The following KCNB2 variants were observed in gnomAD, a reference collection of about 807,000 sequenced individuals.
The protein encoded by KCNB2 is delayed rectifier potassium channel protein.
In KCNB2, 15 loss-of-function variants were observed where a neutral mutation model predicts 61.5. That is an observed-to-expected ratio of 0.24 (90% CI 0.16 to 0.38). KCNB2 has a LOEUF of 0.38. KCNB2 is among the 10% of genes least tolerant of loss of function. The pLI is 1.00. For synonymous variants in KCNB2, 457 were observed against 446.0 expected (o/e 1.02, Z -0.31); for missense variants, 828 against 1,125.2 (o/e 0.74, Z 3.78).
chr8:72,632,360 C>G (rs1402138987), intron 2 of KCNB2, among the ~76,000 whole-genome samples: 1 of 152,162 alleles, frequency 6.6e-6, no homozygotes, highest in African/African-American at 2.4e-5. Flanking sequence ...TGTATTGGCA[C>G]ACAGCCACAC....
intron 2 of KCNB2, among the ~76,000 whole-genome samples, chr8:72,860,926 A>G (rs1184768622): frequency 1.3e-5 from 2 of 152,202 alleles, no homozygotes; most frequent in Non-Finnish European, 2.9e-5. Flanking sequence ...ATTATAAACC[A>G]CTTCATATCA....
intron 2 of KCNB2, among the ~76,000 whole-genome samples, chr8:72,888,820 G>C (rs1407271210): frequency 6.6e-6 from 1 of 152,150 alleles, no homozygotes; most frequent in Non-Finnish European, 1.5e-5. Context: ...AGGCATAGAA[G>C]AGACATATAG....
intron 2 of KCNB2, among the ~76,000 whole-genome samples, chr8:72,831,880 C>G (rs1398448154): frequency 6.6e-6 from 1 of 152,214 alleles, no homozygotes; most frequent in Non-Finnish European, 1.5e-5. Context: ...TATACTTGAT[C>G]TTAGCCAAAA....
At chr8:72,728,756 T>C (rs577863699) in intron 2 of KCNB2, among the ~76,000 whole-genome samples, 1 of 152,300 alleles carries the variant, frequency 6.6e-6, no homozygotes. Context: ...GAGTAACATT[T>C]AGACTGGGCC....
intron 2 of KCNB2, among the ~76,000 whole-genome samples, chr8:72,579,571 C>T (rs1276964706): frequency 6.6e-6 from 1 of 152,294 alleles, no homozygotes; most frequent in South Asian, 2.1e-4. Context: ...CCTCTGCCCT[C>T]CCTTAATCCG....
At chr8:72,810,630 A>G (rs1229990149) in intron 2 of KCNB2, among the ~76,000 whole-genome samples, 1 of 152,228 alleles carries the variant, frequency 6.6e-6, no homozygotes, top group Non-Finnish European at 1.5e-5. Flanking sequence ...ATTTTATAGT[A>G]TAGCTATTAG....
intron 2 of KCNB2, among the ~76,000 whole-genome samples, chr8:72,890,527 C>G (rs1474203124): frequency 6.6e-6 from 1 of 152,202 alleles, no homozygotes; most frequent in Non-Finnish European, 1.5e-5. Flanking sequence ...GTCCCTTCCC[C>G]GGTCCCATCA....
chr8:72,873,871 C>T (rs956273103), intron 2 of KCNB2, among the ~76,000 whole-genome samples: 12 of 152,262 alleles, frequency 7.9e-5, no homozygotes, highest in African/African-American at 2.7e-4. Context: ...CACCTATTAG[C>T]CCATTTACCT....
chr8:72,682,306 A>G (rs1272924072), intron 2 of KCNB2, among the ~76,000 whole-genome samples: 1 of 152,178 alleles, frequency 6.6e-6, no homozygotes, highest in Non-Finnish European at 1.5e-5. Flanking sequence ...AGACCAAGGC[A>G]AAGAATATCT....
At chr8:72,851,840 A>ACAAAAACAAAAC (rs1554538997) in intron 2 of KCNB2, among the ~76,000 whole-genome samples, 1 of 134,462 alleles carries the variant, frequency 7.4e-6, no homozygotes, top group African/African-American at 3.0e-5. Context: ...AAAAAAAAAA[A>ACAAAAACAAAAC]AAAAAAAACA....
intron 2 of KCNB2, among the ~76,000 whole-genome samples, chr8:72,643,230 G>A (rs2128985855): frequency 6.6e-6 from 1 of 152,298 alleles, no homozygotes; most frequent in South Asian, 2.1e-4. Flanking sequence ...AGGGTGGAAA[G>A]AAGGAAGTGG....
At chr8:72,694,510 A>C (rs577014190) in intron 2 of KCNB2, among the ~76,000 whole-genome samples, 1 of 152,204 alleles carries the variant, frequency 6.6e-6, no homozygotes, top group Non-Finnish European at 1.5e-5. Context: ...CAATTTTTTT[A>C]AATGTGTATG....
At chr8:72,862,364 A>G (rs925258440) in intron 2 of KCNB2, among the ~76,000 whole-genome samples, 1 of 152,210 alleles carries the variant, frequency 6.6e-6, no homozygotes, top group African/African-American at 2.4e-5. Context: ...TCATGAACGC[A>G]CTAGTATTTT....
At chr8:72,593,607 C>T (rs571610841) in intron 2 of KCNB2, among the ~76,000 whole-genome samples, 2 of 152,298 alleles carry the variant, frequency 1.3e-5, no homozygotes, top group South Asian at 4.2e-4. Context: ...AGACTGGGCT[C>T]TGACCTGTTT....
chr8:72,722,235 GC>G (rs1466874024), intron 2 of KCNB2, among the ~76,000 whole-genome samples: 1 of 152,020 alleles, frequency 6.6e-6, no homozygotes, highest in Admixed American at 6.6e-5. Context: ...ACATTCTCTG[GC>G]CCCCCTTCCA....
At chr8:72,863,545 G>A (rs567361619) in intron 2 of KCNB2, among the ~76,000 whole-genome samples, 1 of 152,338 alleles carries the variant, frequency 6.6e-6, no homozygotes, top group East Asian at 1.9e-4. Flanking sequence ...TGTTTGAGCT[G>A]TCTTCCCACC....
intron 2 of KCNB2, among the ~76,000 whole-genome samples, chr8:72,642,107 G>C (rs746604579): frequency 1.2e-4 from 19 of 152,196 alleles, no homozygotes; most frequent in South Asian, 2.1e-4. Context: ...CAGTATGGCA[G>C]GTGGCCTCTA....
chr8:72,763,264 G>A (rs1172898387), intron 2 of KCNB2, among the ~76,000 whole-genome samples: 1 of 151,974 alleles, frequency 6.6e-6, no homozygotes, highest in East Asian at 1.9e-4. Flanking sequence ...TCACTAAGGT[G>A]CAGATTCCTA....
At chr8:72,926,107 G>T (rs957151609) in intron 2 of KCNB2, among the ~76,000 whole-genome samples, 1 of 152,150 alleles carries the variant, frequency 6.6e-6, no homozygotes, top group Non-Finnish European at 1.5e-5. Context: ...GCTGGGGGTT[G>T]GGGGAGGGAG....
Sources: allele counts gnomAD v4.1 joint callset (sites outside exome capture counted in the v4.1 genomes callset), GRCh38; gene constraint gnomAD v4.1.1; transcripts MANE v1.5; gene names NCBI Gene and HGNC (gene_info 2026-07-23, HGNC 2026-07-21).